HSPA12A: variants seen among roughly 807,000 people sequenced by gnomAD.
HSPA12A encodes the protein heat shock 70 kDa protein 12A.
Under a neutral mutation model 69.2 loss-of-function variants are expected in HSPA12A, and 28 were observed. That is an observed-to-expected ratio of 0.40 (90% confidence interval 0.30 to 0.55). The LOEUF is 0.55. HSPA12A is among the 20% of genes least tolerant of loss of function. The pLI is 0.38. For synonymous variants in HSPA12A, 345 were observed against 370.5 expected (o/e 0.93, Z 0.79); for missense variants, 686 against 900.7 (o/e 0.76, Z 3.05).
At chr10:116,815,219 T>C (rs1289762858) in intron 2 of HSPA12A, among the ~76,000 whole-genome samples, 2 of 129,478 alleles carry the variant, frequency 1.5e-5, no homozygotes, top group Non-Finnish European at 3.1e-5. Context: ...CCCAGAGTGG[T>C]GGATATCCTC....
chr10:116,697,313 G>A (rs1589637783), intron 5 of HSPA12A, among the ~76,000 whole-genome samples: 1 of 152,148 alleles, frequency 6.6e-6, no homozygotes, highest in African/African-American at 2.4e-5. Context: ...CCTGTGGGAG[G>A]AGACACGAGT....
At chr10:116,846,308 A>C (rs1845879413) in intron 1 of HSPA12A, among the ~76,000 whole-genome samples, 1 of 149,742 alleles carries the variant, frequency 6.7e-6, no homozygotes, top group East Asian at 2.0e-4. Context: ...TCCCTCAAAT[A>C]TTGTTAATGT....
At chr10:116,699,913 C>T (rs967389428) in intron 4 of HSPA12A, among the ~76,000 whole-genome samples, 1 of 152,258 alleles carries the variant, frequency 6.6e-6, no homozygotes, top group Non-Finnish European at 1.5e-5. Flanking sequence ...GTGCTGGCTG[C>T]TGAGTTTCCC....
At chr10:116,757,932 A>G (rs2133096913) in intron 2 of HSPA12A, among the ~76,000 whole-genome samples, 1 of 152,338 alleles carries the variant, frequency 6.6e-6, no homozygotes, top group East Asian at 1.9e-4. Context: ...CATTTAAAAG[A>G]CTAGAAAGCA....
intron 2 of HSPA12A, among the ~76,000 whole-genome samples, chr10:116,797,101 T>G (rs1844844254): frequency 6.6e-6 from 1 of 152,184 alleles, no homozygotes; most frequent in African/African-American, 2.4e-5. Flanking sequence ...GAGCACGCAC[T>G]TGCTGCAGCC....
At chr10:116,705,659 C>A (rs1268307064) in intron 2 of HSPA12A, among the ~76,000 whole-genome samples, 1 of 152,226 alleles carries the variant, frequency 6.6e-6, no homozygotes, top group Non-Finnish European at 1.5e-5. Context: ...AGACCCTGTG[C>A]AGACCTCTGG....
intron 1 of HSPA12A, among the ~76,000 whole-genome samples, chr10:116,845,614 CT>C (rs1456131757): frequency 1.3e-5 from 2 of 152,130 alleles, no homozygotes; most frequent in Non-Finnish European, 2.9e-5. Context: ...CTTCTTTCCC[CT>C]TTCTTCCCTC....
At chr10:116,784,729 G>T (rs536427178) in intron 2 of HSPA12A, among the ~76,000 whole-genome samples, 1 of 152,222 alleles carries the variant, frequency 6.6e-6, no homozygotes, top group Admixed American at 6.5e-5. Context: ...CCAGCTGACT[G>T]GCTGAGGAAT....
At chr10:116,842,338 TC>T (rs1231418075) in intron 1 of HSPA12A, among the ~76,000 whole-genome samples, 1 of 152,210 alleles carries the variant, frequency 6.6e-6, no homozygotes, top group African/African-American at 2.4e-5. Context: ...CTAGGATTCT[TC>T]CTCTCTCTTC....
intron 1 of HSPA12A, among the ~76,000 whole-genome samples, chr10:116,839,336 C>T (rs1044204049): frequency 3.9e-5 from 6 of 152,144 alleles, no homozygotes; most frequent in African/African-American, 9.7e-5. Context: ...CCCTCCCCCA[C>T]GAAGACCCCG....
intron 2 of HSPA12A, among the ~76,000 whole-genome samples, chr10:116,819,302 C>A (rs1056203978): frequency 6.6e-6 from 1 of 152,212 alleles, no homozygotes; most frequent in Non-Finnish European, 1.5e-5. Flanking sequence ...CCCCTACCCA[C>A]AACAGACAGG....
intron 2 of HSPA12A, among the ~76,000 whole-genome samples, chr10:116,787,666 C>A (rs558046178): frequency 6.6e-6 from 1 of 152,002 alleles, no homozygotes; most frequent in African/African-American, 2.4e-5. Context: ...GGGTGGGAGG[C>A]GGGGAGCTTA....
intron 1 of HSPA12A, among the ~76,000 whole-genome samples, chr10:116,709,467 T>C (rs1189591415): frequency 1.4e-5 from 2 of 145,762 alleles, no homozygotes; most frequent in Non-Finnish European, 3.0e-5. Flanking sequence ...AAAAAAAAGA[T>C]GAAGGGATAA....
At chr10:116,692,295 C>A in intron 6 of HSPA12A, 56 bp downstream of exon 6, 3 of 1,388,922 alleles carry the variant, frequency 2.2e-6, no homozygotes, top group Non-Finnish European at 3.1e-6. Context: ...AGTCACCACC[C>A]TGGACATCTT....
Position 116,774,058 on chromosome 10 carries a change from G to A in HSPA12A, c.91+60877C>T, listed in dbSNP as rs569628662. Among the ~76,000 whole-genome samples, 134 of 151,578 alleles carry A rather than the reference G, an allele frequency of 8.8e-4. 1 individual carries two copies. Among genetic ancestry groups the A allele is most frequent in the African/African-American group, 3.2e-3 (133 of 41,254 alleles). ...GGAGTCTCGCTCTGTCCCCCAGGCT[G>A]GAGTGCAGTGGCGGGATCTCTGCTC... On this transcript the variant is annotated intron_variant, in intron 2 of 12. Coordinates refer to the HSPA12A transcript ENST00000635765.
At chr10:116,796,102 C>CCCG (rs1257661630) in intron 2 of HSPA12A, among the ~76,000 whole-genome samples, 1 of 146,668 alleles carries the variant, frequency 6.8e-6, no homozygotes, top group African/African-American at 2.6e-5. Flanking sequence ...GAGCCAAGAT[C>CCCG]CCGCCACTGC....
intron 2 of HSPA12A, among the ~76,000 whole-genome samples, chr10:116,788,283 C>T (rs1451703898): frequency 6.6e-6 from 1 of 152,142 alleles, no homozygotes; most frequent in Admixed American, 6.5e-5. Context: ...GGTCCATAGG[C>T]GGGCCCACGC....
chr10:116,748,888 A>C (rs576790788), intron 2 of HSPA12A, among the ~76,000 whole-genome samples: 1 of 152,262 alleles, frequency 6.6e-6, no homozygotes, highest in Non-Finnish European at 1.5e-5. Flanking sequence ...GACACAGCCA[A>C]ACCATATCAC....
At chr10:116,752,581 ACCAG>A (rs1851797783) in intron 2 of HSPA12A, among the ~76,000 whole-genome samples, 6 of 152,228 alleles carry the variant, frequency 3.9e-5, no homozygotes, top group Admixed American at 3.9e-4. Context: ...GCAGACTTCA[ACCAG>A]TACCCTCATG....
Sources: allele counts gnomAD v4.1 joint callset (sites outside exome capture counted in the v4.1 genomes callset), GRCh38; gene constraint gnomAD v4.1.1; transcripts MANE v1.5; gene names NCBI Gene and HGNC (gene_info 2026-07-23, HGNC 2026-07-21).